LDLRAD3: variants seen among roughly 807,000 people sequenced by gnomAD.
LDLRAD3 encodes low density lipoprotein receptor class A domain containing 3.
Under a neutral mutation model 29.4 loss-of-function variants are expected in LDLRAD3, and 20 were observed. That is an observed-to-expected ratio of 0.68 (90% confidence interval 0.48 to 0.99). The LOEUF (loss-of-function observed/expected upper bound fraction) is 0.99. Among genes scored for constraint, LDLRAD3 ranks in the 50% least tolerant of loss-of-function variants. The pLI, the probability that LDLRAD3 is intolerant of heterozygous loss-of-function variation, is 0.00. For synonymous variants in LDLRAD3, 157 were observed against 192.7 expected (o/e 0.81, Z 1.53); for missense variants, 420 against 454.3 (o/e 0.92, Z 0.69).
chr11:36,109,675 G>C (rs933704463), intron 4 of LDLRAD3, among the ~76,000 whole-genome samples: 3 of 152,140 alleles, frequency 2.0e-5, no homozygotes, highest in Non-Finnish European at 2.9e-5. Flanking sequence ...AATTTCTACA[G>C]AAGTCGTGCA....
chr11:36,067,813 G>C lies in LDLRAD3; in HGVS notation c.194-13840G>C, dbSNP rs1852820759. On this transcript the variant is annotated intron_variant, in intron 2 of 5. Transcript: ENST00000315571. ...AGCCTCCAGAATAGCTAGGACTACA[G>C]GCGTGTGCCTGGCTAAATTTTTTTT... 1.3e-5 allele frequency among the ~76,000 whole-genome samples: 2 copies of C among 152,152 alleles called. 1 individual carries two copies. Among genetic ancestry groups the C allele is most frequent in the South Asian group, 4.1e-4 (2 of 4,822 alleles).
intron 2 of LDLRAD3, among the ~76,000 whole-genome samples, chr11:36,071,757 G>A (rs1291716945): frequency 2.0e-5 from 3 of 152,152 alleles, no homozygotes; most frequent in African/African-American, 7.2e-5. Context: ...CAAGACAGTG[G>A]CCCTTTGCTA....
At chr11:36,105,580 A>C (rs1409605716) in intron 4 of LDLRAD3, among the ~76,000 whole-genome samples, 3 of 152,038 alleles carry the variant, frequency 2.0e-5, no homozygotes, top group Admixed American at 1.3e-4. Context: ...CGGTGTTCTT[A>C]TAAGAAGGGA....
At chr11:36,151,269 TA>T (rs1350135741) in intron 4 of LDLRAD3, among the ~76,000 whole-genome samples, 2 of 152,142 alleles carry the variant, frequency 1.3e-5, no homozygotes, top group African/African-American at 4.8e-5. Context: ...TAATAGCAGC[TA>T]CTGTGTATTG....
intron 4 of LDLRAD3, among the ~76,000 whole-genome samples, chr11:36,225,730 C>T (rs1286570981): frequency 2.6e-5 from 4 of 152,024 alleles, no homozygotes; most frequent in Non-Finnish European, 4.4e-5. Flanking sequence ...AGGAGAATCA[C>T]ACCACCTACC....
intron 4 of LDLRAD3, among the ~76,000 whole-genome samples, chr11:36,150,771 A>T (rs1854267676): frequency 7.3e-6 from 1 of 136,974 alleles, no homozygotes; most frequent in Non-Finnish European, 1.6e-5. Flanking sequence ...ATAAATAAAT[A>T]AAAAATTAAA....
chr11:36,144,302 G>A (rs1420017895), intron 4 of LDLRAD3, among the ~76,000 whole-genome samples: 2 of 150,962 alleles, frequency 1.3e-5, no homozygotes, highest in Non-Finnish European at 3.0e-5. Flanking sequence ...CCAGCTGCCT[G>A]CCTTGGCCCC....
At chr11:35,978,132 G>A (rs1851497294) in intron 1 of LDLRAD3, among the ~76,000 whole-genome samples, 1 of 152,180 alleles carries the variant, frequency 6.6e-6, no homozygotes, top group Non-Finnish European at 1.5e-5. Flanking sequence ...CTTACTGATT[G>A]ACAATGGCTT....
At chr11:36,129,584 G>T (rs562360677) in intron 4 of LDLRAD3, among the ~76,000 whole-genome samples, 1 of 152,158 alleles carries the variant, frequency 6.6e-6, no homozygotes, top group African/African-American at 2.4e-5. Flanking sequence ...GTCCCTTCCC[G>T]GGAGCCACAG....
intron 1 of LDLRAD3, among the ~76,000 whole-genome samples, chr11:35,995,554 A>G (rs1045119636): frequency 6.6e-6 from 1 of 152,262 alleles, no homozygotes; most frequent in African/African-American, 2.4e-5. Flanking sequence ...CACCAGCTGC[A>G]TTAGCTCTTA....
chr11:35,991,633 G>C (rs1039375641), intron 1 of LDLRAD3, among the ~76,000 whole-genome samples: 1 of 152,184 alleles, frequency 6.6e-6, no homozygotes, highest in African/African-American at 2.4e-5. Context: ...TGCTGAAGTA[G>C]AAAATAGAAA....
At chr11:36,143,900 GGC>G (rs1854123433) in intron 4 of LDLRAD3, among the ~76,000 whole-genome samples, 1 of 140,370 alleles carries the variant, frequency 7.1e-6, no homozygotes, top group South Asian at 2.3e-4. Context: ...AAGTGTTGGA[GGC>G]TCCCTCTCCC....
At chr11:35,968,871 C>T (rs1325252771) in intron 1 of LDLRAD3, among the ~76,000 whole-genome samples, 4 of 152,212 alleles carry the variant, frequency 2.6e-5, no homozygotes, top group Non-Finnish European at 5.9e-5. Context: ...CCTCTACCAG[C>T]TAACATCTAG....
intron 1 of LDLRAD3, among the ~76,000 whole-genome samples, chr11:35,946,836 G>T (rs1258336051): frequency 6.6e-6 from 1 of 152,186 alleles, no homozygotes; most frequent in East Asian, 1.9e-4. Flanking sequence ...TTTTTAACTT[G>T]CTGAGTAGCT....
chr11:36,200,728 C>G (rs1374877220), intron 4 of LDLRAD3, among the ~76,000 whole-genome samples: 1 of 152,224 alleles, frequency 6.6e-6, no homozygotes, highest in Non-Finnish European at 1.5e-5. Context: ...GCCTTTCCTT[C>G]TCTCTCAAAG....
chr11:36,229,554 C>T lies in LDLRAD3; in HGVS notation c.*157C>T. ...CTCTGCATTCCCCTCCTCCCCCAGACTTCAGAGATGTTTTTCTGGCGTCTC... is the reference window on the plus strand; with the variant it reads ...CTCTGCATTCCCCTCCTCCCCCAGATTTCAGAGATGTTTTTCTGGCGTCTC... On this transcript the variant is annotated 3_prime_UTR_variant, in exon 6 of 6. Coordinates refer to ENST00000315571, the MANE Select transcript of LDLRAD3 (RefSeq NM_174902.4). 1 of 600,892 alleles carries T rather than the reference C, an allele frequency of 1.7e-6. No individual in the cohort carries two copies. Among genetic ancestry groups the T allele is most frequent in the Non-Finnish European group, 3.0e-6 (1 of 338,396 alleles). 37.2% of individuals were successfully genotyped at this position (600,892 alleles called of 1,614,324 possible).
intron 1 of LDLRAD3, among the ~76,000 whole-genome samples, chr11:35,946,771 T>TTGG (rs1851062623): frequency 6.6e-6 from 1 of 152,220 alleles, no homozygotes; most frequent in Non-Finnish European, 1.5e-5. Flanking sequence ...GGAGTGAGTA[T>TTGG]TGACCTTTTC....
rs1009824509 is a variant in LDLRAD3 at position 36,229,362 on chromosome 11, G to T, written c.1003G>T (p.Asp335Tyr). The change falls in exon 6 of 6, where the codon GAC becomes TAC. Residue 335 changes from aspartate (D) to tyrosine (Y), a missense_variant. Asp to Tyr is a radical substitution (Grantham distance 160, BLOSUM62 -3). Transcript: ENST00000315571. ...GPQEGTAEPR[D>Y]SEPSQGTEEV is the part of the protein sequence containing the mutation. ...CCAGGAGGGCACTGCTGAGCCCAGG[G>T]ACTCTGAGCCCAGCCAGGGCACTGA... 6.2e-7 allele frequency: 1 copy of T among 1,613,606 alleles called. No homozygotes were observed. Among genetic ancestry groups the T allele is most frequent in the Non-Finnish European group, 8.5e-7 (1 of 1,179,688 alleles).
chr11:35,965,485 G>A (rs1045471919), intron 1 of LDLRAD3, among the ~76,000 whole-genome samples: 4 of 152,300 alleles, frequency 2.6e-5, no homozygotes, highest in African/African-American at 9.6e-5. Context: ...GTGGCTGGGG[G>A]CCATGGGAGG....
Sources: gnomAD v4.1 joint callset for allele counts (sites outside exome capture counted in the v4.1 genomes callset) on GRCh38, gnomAD v4.1.1 for gene constraint, MANE v1.5 for transcripts, NCBI Gene and HGNC (gene_info 2026-07-23, HGNC 2026-07-21) for gene names.